Variants in NOB1 observed in about 807,000 individuals in gnomAD.
The protein encoded by NOB1 is RNA-binding protein NOB1.
In NOB1, 44 loss-of-function variants were observed where a neutral mutation model predicts 44.8. That is an observed-to-expected ratio of 0.98 (90% CI 0.77 to 1.26). NOB1 has a LOEUF of 1.26. Ranked by LOEUF, NOB1 falls within the 50% of genes most tolerant of loss-of-function variation. NOB1 has a pLI of 0.00. For missense variants in NOB1, 560 were observed against 544.8 expected, an observed-to-expected ratio of 1.03 and a Z score of -0.28; for synonymous variants, 238 against 218.7, an observed-to-expected ratio of 1.09 and a Z score of -0.78.
rs746986966 is a variant in NOB1, at chr16:69,748,309, C to T, written c.747G>A (p.Gly249=). ...FAMQNVLLQM[G]LHVLAVNGML... is the part of the protein sequence containing the mutation. ...TGCCGTTCACCGCCAGCACGTGCAG[C>T]CCCATCTGCAGCAGAACATTCTACA... Residue 249 remains glycine, a synonymous_variant, in exon 7 of 9, where the codon GGG becomes GGA. Transcript: ENST00000268802. The T allele has an allele frequency of 6.2e-7, 1 of 1,613,776 alleles. No individual in the cohort carries two copies.
rs777388717 is a variant in NOB1, at chr16:69,749,206, G to T, written c.525+7C>A. The T allele has an allele frequency of 6.2e-7, 1 of 1,612,916 alleles. No individual in the cohort carries two copies. Among genetic ancestry groups the T allele is most frequent in the Non-Finnish European group, 8.5e-7 (1 of 1,179,406 alleles). ...TGTCGTCAGAAGACCAAAAGTCAAG[G>T]CCTCACCAGCAGCTCCTGCAGTTCA... On this transcript the variant is annotated splice_region_variant and intron_variant, in intron 5 of 8. Transcript: ENST00000268802.
intron 7 of NOB1, 70 bp from the exon 8 acceptor site, chr16:69,745,087 TGGGTCTC>T: frequency 6.4e-7 from 1 of 1,554,252 alleles, no homozygotes; most frequent in African/African-American, 1.4e-5. Context: ...GAGCACAAGG[TGGGTCTC>T]GGGCCTCAGG....
In NOB1 at chr16:69,750,431, C is replaced by T. The variant is rs565073181; in HGVS notation, c.328-801G>A. On this transcript the variant is annotated intron_variant, in intron 3 of 8. Transcript: ENST00000268802. ...TTGTTTTGGGCCAGGATTTTGAGAC[C>T]AGCCTGGACAAAAGTGACACCCTGT... 1.1e-4 allele frequency among the ~76,000 whole-genome samples: 16 copies of T among 152,042 alleles called. No homozygotes were observed. The East Asian group carries it at 3.1e-3, about 29-fold the overall frequency.
At position 69,749,074 on chromosome 16, in the gene NOB1, TTCC is replaced by T. The variant is rs528891272; in HGVS notation, c.567_569del (p.Glu191del). 1.3e-4 allele frequency: 204 copies of T among 1,603,316 alleles called. 1 individual carries two copies. The East Asian group carries it at 4.1e-3, about 32-fold the overall frequency. On this transcript the variant is annotated inframe_deletion, in exon 6 of 9. Transcript: ENST00000268802. ...CTTTTCTGTCTTCAAACCCGTTTTCTTCCTCCTCCTCCTCCTCACTTGGAACGT... is the reference window on the plus strand; with the variant it reads ...CTTTTCTGTCTTCAAACCCGTTTTCTTCCTCCTCCTCCTCACTTGGAACGT...
Position 69,749,331 on chromosome 16 carries a change from G to A in NOB1, c.407C>T (p.Pro136Leu), listed in dbSNP as rs2038462732. The change falls in exon 5 of 9, where the codon CCC becomes CTC. Residue 136 changes from proline (P) to leucine (L), a missense_variant. Coordinates refer to ENST00000268802, the MANE Select transcript of NOB1 (RefSeq NM_014062.3). ...GTGTCCTTTTTCTGTTTCTTGTGGG[G>A]GTTTAGGCTGAAATTAAAAGAAACA... ...SGFHLPYKPK[P>L]PQETEKGHSA... is the part of the protein sequence containing the mutation. 6 of 1,585,280 alleles carry A rather than the reference G, an allele frequency of 3.8e-6. No homozygotes were observed. Among genetic ancestry groups the A allele is most frequent in the South Asian group, 3.5e-5 (3 of 85,816 alleles).
intron 8 of NOB1, among the ~76,000 whole-genome samples, 174 bp from the exon 9 acceptor site, chr16:69,742,775 C>A (rs1446581063): frequency 2.0e-5 from 3 of 152,126 alleles, no homozygotes; most frequent in Non-Finnish European, 4.4e-5. Flanking sequence ...CCACCTGATT[C>A]CCACCTCAAT....
intron 3 of NOB1, among the ~76,000 whole-genome samples, chr16:69,752,031 C>G (rs1015996759): frequency 3.9e-5 from 6 of 151,928 alleles, no homozygotes; most frequent in African/African-American, 1.5e-4. Context: ...CGCCGTTGCA[C>G]TCCAGCCTGG....
rs373716738 is a variant in NOB1, at chr16:69,742,618, G to A, written c.970-17C>T. The A allele has an allele frequency of 6.2e-7, 1 of 1,612,756 alleles. No individual in the cohort carries two copies. On this transcript the variant is annotated splice_polypyrimidine_tract_variant and intron_variant, in intron 8 of 8. Transcript: ENST00000268802. ...AAGCGAGTACTGGAAATAAGACAAG[G>A]AAGGGCCATTAGAAGAAGGGGAGCC...
At chr16:69,752,729 C>T (rs1173999848) in intron 2 of NOB1, among the ~76,000 whole-genome samples, 4 of 152,098 alleles carry the variant, frequency 2.6e-5, no homozygotes, top group Non-Finnish European at 4.4e-5. Flanking sequence ...CACTTGAGGT[C>T]AGGAGACCAG....
chr16:69,742,496 T>C lies in NOB1; in HGVS notation c.1075A>G (p.Thr359Ala), dbSNP rs1470281461. Residue 359 changes from threonine (T) to alanine (A), a missense_variant, in exon 9 of 9, where the codon ACC becomes GCC. By Grantham distance (58) the Thr-to-Ala change is moderately conservative. Coordinates refer to ENST00000268802, the MANE Select transcript of NOB1 (RefSeq NM_014062.3). ...LRLSQKARQK[T>A]NVFAPDYIAG... The stretch of plus-strand genomic sequence containing the variant: ...ATGTAGTCAGGGGCGAACACGTTGG[T>C]TTTCTGCCTGGCCTTTTGGGAGAGT... The C allele has an allele frequency of 1.9e-5, 30 of 1,614,008 alleles. No homozygotes were observed. The highest frequency in any genetic ancestry group is 2.5e-5 in the Non-Finnish European group (30 of 1,180,034).
intron 6 of NOB1, 89 bp from the exon 7 acceptor site, chr16:69,748,418 G>T: frequency 8.1e-7 from 1 of 1,231,446 alleles, no homozygotes; most frequent in Non-Finnish European, 1.2e-6. Flanking sequence ...ACCCTGCCTT[G>T]CCCATATTCC....
chr16:69,751,263 C>T (rs956251316), intron 3 of NOB1, among the ~76,000 whole-genome samples: 2 of 152,158 alleles, frequency 1.3e-5, no homozygotes, highest in African/African-American at 4.8e-5. Context: ...CTGCCTTGGC[C>T]TCCCAAAGCC....
At chr16:69,742,708 G>A in intron 8 of NOB1, 107 bp from the exon 9 acceptor site, 1 of 1,171,482 alleles carries the variant, frequency 8.5e-7, no homozygotes, top group Non-Finnish European at 1.2e-6. Context: ...GCAGGCAGAT[G>A]ACAGCGGGTG....
Position 69,749,248 on chromosome 16 carries a change from A to T in NOB1, c.490T>A (p.Leu164Met). ...TGCAGTTCATGATCGATGTTGGGCAAAGGGTTTCTCCAGAACATGAAGGAA... is the reference window on the plus strand; with the variant it reads ...TGCAGTTCATGATCGATGTTGGGCATAGGGTTTCTCCAGAACATGAAGGAA... ...FSSFMFWRNP[L>M]PNIDHELQEL... is the part of the protein sequence containing the mutation. Residue 164 changes from leucine (L) to methionine (M), a missense_variant, in exon 5 of 9, where the codon TTG (leucine) becomes ATG (methionine). Transcript: ENST00000268802. The T allele has an allele frequency of 1.2e-6, 2 of 1,613,582 alleles. No homozygotes were observed. The highest frequency in any genetic ancestry group is 1.7e-6 in the Non-Finnish European group (2 of 1,179,864).
rs765530372 is a variant in NOB1 at position 69,754,879 on chromosome 16, G to C, written c.32C>G (p.Ala11Gly). ...AGCCGCATGCCGCAGGAAAGCCCCA[G>C]CATCCGCCACAACGTGCTCCACTGG... The part of the protein sequence containing the change: MAPVEHVVAD[A>G]GAFLRHAALQ... The change falls in exon 1 of 9, where the codon GCT becomes GGT. Residue 11 changes from alanine to glycine, a missense_variant. Transcript: ENST00000268802. 6.3e-7 allele frequency: 1 copy of C among 1,595,480 alleles called. No individual in the cohort carries two copies. Among genetic ancestry groups the C allele is most frequent in the Middle Eastern group, 1.7e-4 (1 of 6,036 alleles).
At chr16:69,742,636 G>A (rs751825131) in intron 8 of NOB1, 35 bp from the exon 9 acceptor site, 64 of 1,607,422 alleles carry the variant, frequency 4.0e-5, no homozygotes, top group Non-Finnish European at 5.2e-5. Context: ...ATTAGAAGAA[G>A]GGGAGCCACA....
chr16:69,753,650 A>G (rs1226550548), intron 2 of NOB1, among the ~76,000 whole-genome samples: 10 of 152,226 alleles, frequency 6.6e-5, no homozygotes, highest in Admixed American at 3.3e-4. Flanking sequence ...AGAAAATCGT[A>G]GAAATCACAA....
chr16:69,750,699 G>T (rs1198501221), intron 3 of NOB1, among the ~76,000 whole-genome samples: 1 of 152,164 alleles, frequency 6.6e-6, no homozygotes, highest in Non-Finnish European at 1.5e-5. Flanking sequence ...CATTCTGGGA[G>T]GCCAAGGTGG....
chr16:69,745,072 C>G lies in NOB1; in HGVS notation c.825-55G>C, dbSNP rs1426193016. On this transcript the variant is annotated intron_variant, in intron 7 of 8. Coordinates refer to ENST00000268802, the MANE Select transcript of NOB1 (RefSeq NM_014062.3). ...CCAAAGCCACAGGCAGCAAACGCCT[C>G]CCCAGAGCACAAGGTGGGTCTCGGG... The G allele has an allele frequency of 1.9e-6, 3 of 1,595,690 alleles. No individual in the cohort carries two copies. The African/African-American group carries it at 4.0e-5, about 21-fold the overall frequency.
Sources: allele counts gnomAD v4.1 joint callset (sites outside exome capture counted in the v4.1 genomes callset), GRCh38; gene constraint gnomAD v4.1.1; transcripts MANE v1.5; gene names NCBI Gene and HGNC (gene_info 2026-07-23, HGNC 2026-07-21).